CRTC3: variants seen among roughly 807,000 people sequenced by gnomAD.
The protein encoded by CRTC3 is CREB regulated transcription coactivator 3, also known as CREB-regulated transcription coactivator 3.
CRTC3 carries 26 observed loss-of-function variants against 74.5 expected under a neutral mutation model. The observed-to-expected ratio is 0.35, with a 90% CI of 0.26 to 0.48. The LOEUF (loss-of-function observed/expected upper bound fraction) is 0.48. Among genes scored for constraint, CRTC3 ranks in the 20% least tolerant of loss-of-function variants. The pLI is 0.99. For synonymous variants in CRTC3, 377 were observed against 325.8 expected, an observed-to-expected ratio of 1.16 and a Z score of -1.69; for missense variants, 760 against 787.3, an observed-to-expected ratio of 0.97 and a Z score of 0.41.
At chr15:90,545,236 T>A (rs1372707797) in intron 2 of CRTC3, among the ~76,000 whole-genome samples, 1 of 152,170 alleles carries the variant, frequency 6.6e-6, no homozygotes, top group Non-Finnish European at 1.5e-5. Flanking sequence ...TTTTGTTCCA[T>A]TCATCCGCTA....
rs375644204 is a variant in CRTC3, at chr15:90,629,412, G to A, written c.1146G>A (p.Pro382=). 5.3e-5 allele frequency: 85 copies of A among 1,613,874 alleles called. No homozygotes were observed. Among genetic ancestry groups the A allele is most frequent in the Middle Eastern group, 3.3e-4 (2 of 6,084 alleles). ...PSLSTTNLSG[P]SRRRQPPVSP... ...TTTCCACCACAAACCTGAGCGGCCC[G>A]TCTCGGCGTCGGCAGCCTCCCGTCA... Residue 382 remains proline (P), a synonymous_variant, in exon 11 of 15, where the codon CCG becomes CCA. Transcript: ENST00000268184.
intron 7 of CRTC3, among the ~76,000 whole-genome samples, chr15:90,615,850 A>ATTTATT (rs1968478211): frequency 3.3e-5 from 5 of 151,498 alleles, no homozygotes; most frequent in African/African-American, 1.2e-4. Context: ...ATTTATTTTT[A>ATTTATT]TTTATTTTTA....
chr15:90,628,008 G>A (rs1324074816), intron 10 of CRTC3, among the ~76,000 whole-genome samples: 1 of 150,598 alleles, frequency 6.6e-6, no homozygotes, highest in Non-Finnish European at 1.5e-5. Context: ...ACGAGGTCAG[G>A]AGATCGAGAC....
At chr15:90,560,037 G>C (rs1050422373) in intron 2 of CRTC3, among the ~76,000 whole-genome samples, 2 of 152,130 alleles carry the variant, frequency 1.3e-5, no homozygotes, top group African/African-American at 4.8e-5. Context: ...AATTGTAGGA[G>C]TTCTTCGAAT....
At chr15:90,606,388 C>T (rs546209927) in intron 5 of CRTC3, among the ~76,000 whole-genome samples, 39 of 151,956 alleles carry the variant, frequency 2.6e-4, no homozygotes, top group African/African-American at 9.4e-4. Context: ...ATGGTGAAAC[C>T]CCGTCTCTAC....
At chr15:90,598,854 G>A in intron 3 of CRTC3, 1 of 262,272 alleles carries the variant, frequency 3.8e-6, no homozygotes, top group Non-Finnish European at 7.5e-6. Flanking sequence ...GAGGACAGGG[G>A]CTCTCTACCA....
intron 1 of CRTC3, among the ~76,000 whole-genome samples, chr15:90,537,384 G>A (rs1384797281): frequency 6.6e-6 from 1 of 152,116 alleles, no homozygotes; most frequent in African/African-American, 2.4e-5. Context: ...TCCGATTCCA[G>A]GTCCAGTGCT....
chr15:90,608,180 G>A (rs767357801), intron 6 of CRTC3, among the ~76,000 whole-genome samples: 9 of 152,146 alleles, frequency 5.9e-5, no homozygotes, highest in South Asian at 2.1e-4. Context: ...GGAGTAACCC[G>A]GAGTGGGGAA....
intron 9 of CRTC3, chr15:90,624,943 A>C (rs1335380303): frequency 3.3e-5 from 5 of 152,554 alleles, no homozygotes; most frequent in Admixed American, 1.3e-4. Flanking sequence ...GAACAGAACT[A>C]GGGGGAAGAG....
At chr15:90,634,760 C>A in intron 11 of CRTC3, 2 of 1,075,558 alleles carry the variant, frequency 1.9e-6, no homozygotes, top group Non-Finnish European at 2.8e-6. Flanking sequence ...TTTTTCCACT[C>A]TCTGACTGAG....
intron 11 of CRTC3, among the ~76,000 whole-genome samples, chr15:90,633,196 A>AGTT (rs1167242481): frequency 2.0e-5 from 3 of 152,088 alleles, no homozygotes; most frequent in African/African-American, 7.2e-5. Context: ...TCCTCTTGGG[A>AGTT]GTTAATAAAT....
intron 2 of CRTC3, among the ~76,000 whole-genome samples, chr15:90,581,289 T>A (rs943680391): frequency 6.6e-6 from 1 of 152,208 alleles, no homozygotes; most frequent in Non-Finnish European, 1.5e-5. Context: ...TATGCTCTTT[T>A]AAATAAAAAA....
At position 90,593,637 on chromosome 15, in the gene CRTC3, C is replaced by T. The variant is rs572845310; in HGVS notation, c.233C>T (p.Pro78Leu). 1.5e-5 allele frequency: 24 copies of T among 1,603,564 alleles called. No individual in the cohort carries two copies. The highest frequency in any genetic ancestry group is 3.3e-4 in the Middle Eastern group (2 of 6,024). The change falls in exon 3 of 15, where the codon CCG becomes CTG. Residue 78 changes from proline (P) to leucine (L), a missense_variant and splice_region_variant. Physicochemically the swap from Pro to Leu is moderately conservative, Grantham distance 98. Transcript: ENST00000268184. The stretch of plus-strand genomic sequence containing the variant: ...ACTCTTCTTCCCTTCTCTCTGCAGC[C>T]GTCATTTCACCAAGCTGATAATGTT... ...QLRSSASEFQ[P>L]SFHQADNVRG...
chr15:90,623,662 T>TGTTA (rs1488769502), intron 9 of CRTC3, among the ~76,000 whole-genome samples: 2 of 152,114 alleles, frequency 1.3e-5, no homozygotes, highest in Admixed American at 1.3e-4. Context: ...TCCCCAAGTC[T>TGTTA]GTTAGCCACG....
chr15:90,623,886 C>T (rs1968736362), intron 9 of CRTC3, among the ~76,000 whole-genome samples: 1 of 152,204 alleles, frequency 6.6e-6, no homozygotes, highest in Non-Finnish European at 1.5e-5. Flanking sequence ...TGTGGTCTCA[C>T]ACCTCCCTGC....
chr15:90,596,242 G>T (rs915553226), intron 3 of CRTC3: 4 of 152,282 alleles, frequency 2.6e-5, no homozygotes, highest in African/African-American at 9.6e-5. Flanking sequence ...AAAGGAAAAT[G>T]GTTTTAGATG....
At chr15:90,544,843 C>T (rs1304886406) in intron 2 of CRTC3, among the ~76,000 whole-genome samples, 3 of 152,124 alleles carry the variant, frequency 2.0e-5, no homozygotes, top group African/African-American at 7.2e-5. Context: ...ATAAAATTTA[C>T]CATCTTAACC....
chr15:90,622,254 T>C (rs1567188698), intron 9 of CRTC3, among the ~76,000 whole-genome samples: 1 of 152,062 alleles, frequency 6.6e-6, no homozygotes, highest in Non-Finnish European at 1.5e-5. Flanking sequence ...CTCCGTTAGG[T>C]AGTAACTATA....
In CRTC3 at chr15:90,645,128, C is replaced by T. The variant is rs1405274378; in HGVS notation, c.*2988C>T. 4.3e-6 allele frequency: 1 copy of T among 230,076 alleles called. No individual in the cohort carries two copies. Among genetic ancestry groups the T allele is most frequent in the Non-Finnish European group, 8.6e-6 (1 of 115,874 alleles). 14.3% of individuals were successfully genotyped at this position (230,076 alleles called of 1,614,324 possible). A position where few individuals can be genotyped will look rare whatever the true frequency, so the allele number is the denominator to read the frequency against. Reference sequence around the variant, plus strand: ...CCTGTTCCCACTCTTGTTGGCTCTTCTGATTTATGCACAGATGGTTCCCAG... The same window carrying T: ...CCTGTTCCCACTCTTGTTGGCTCTTTTGATTTATGCACAGATGGTTCCCAG... On this transcript the variant is annotated 3_prime_UTR_variant, in exon 15 of 15. Transcript: ENST00000268184.
Sources: gnomAD v4.1 joint callset for allele counts (sites outside exome capture counted in the v4.1 genomes callset) on GRCh38, gnomAD v4.1.1 for gene constraint, MANE v1.5 for transcripts, NCBI Gene and HGNC (gene_info 2026-07-23, HGNC 2026-07-21) for gene names.